The following MED12L variants were observed in gnomAD, a reference collection of about 807,000 sequenced individuals.
MED12L encodes mediator complex subunit 12L, also known as mediator of RNA polymerase II transcription subunit 12-like protein.
MED12L carries 60 observed loss-of-function variants against 281.3 expected under a neutral mutation model. The observed-to-expected ratio is 0.21, with a 90% CI of 0.17 to 0.26. MED12L has a LOEUF of 0.26. MED12L is among the 10% of genes least tolerant of loss of function. The pLI is 1.00. For synonymous variants in MED12L, 974 were observed against 987.2 expected (o/e 0.99, Z 0.25); for missense variants, 2,146 against 2,680.9 (o/e 0.80, Z 4.41).
chr3:151,144,104 A>C (rs745718086), intron 5 of MED12L, among the ~76,000 whole-genome samples: 10 of 152,076 alleles, frequency 6.6e-5, no homozygotes, highest in African/African-American at 9.7e-5. Context: ...TCCCTCTGTT[A>C]GAAGGAAGCC....
chr3:151,250,169 C>T (rs1254654959), intron 16 of MED12L, among the ~76,000 whole-genome samples: 1 of 152,164 alleles, frequency 6.6e-6, no homozygotes, highest in Non-Finnish European at 1.5e-5. Context: ...TGCCTTCTGT[C>T]CTCAGCACTT....
intron 39 of MED12L, among the ~76,000 whole-genome samples, chr3:151,401,197 G>A (rs1016074859): frequency 6.6e-6 from 1 of 150,434 alleles, no homozygotes; most frequent in African/African-American, 2.4e-5. Flanking sequence ...CATTTATCCT[G>A]TTGGATGTTA....
In MED12L at chr3:151,185,334, C is replaced by T. The variant is rs752139829; in HGVS notation, c.1499C>T (p.Ala500Val). The T allele has an allele frequency of 1.6e-5, 26 of 1,613,122 alleles. No homozygotes were observed. Among genetic ancestry groups the T allele is most frequent in the African/African-American group, 1.1e-4 (8 of 74,800 alleles). Residue 500 changes from alanine to valine, a missense_variant, in exon 12 of 45, where the codon GCG becomes GTG. By Grantham distance (64) the Ala-to-Val change is moderately conservative (BLOSUM62 0). Coordinates refer to ENST00000687756, the MANE Select transcript of MED12L (RefSeq NM_001393769.1). ...CCCCTCTCTGTTGGTCATTAGGTTG[C>T]GCCCAACGATGAAGCTGTGGTGACG... is the stretch of plus-strand genomic sequence containing the variant. Reference protein sequence around the residue: ...ANQNKDNQEVAPNDEAVVTLL... With the variant: ...ANQNKDNQEVVPNDEAVVTLL...
At chr3:151,092,538 A>G (rs1051305759) in intron 2 of MED12L, among the ~76,000 whole-genome samples, 8 of 152,232 alleles carry the variant, frequency 5.3e-5, no homozygotes, top group Non-Finnish European at 1.0e-4. Context: ...AACTATCTCA[A>G]TGCTTGGTTT....
chr3:151,384,361 C>A, intron 35 of MED12L, 143 bp downstream of exon 35: 3 of 798,818 alleles, frequency 3.8e-6, no homozygotes, highest in Non-Finnish European at 5.6e-6. Context: ...TTTCACCTAA[C>A]CTTATTAGTA....
At chr3:151,226,507 C>T (rs1274766610) in intron 16 of MED12L, among the ~76,000 whole-genome samples, 1 of 152,172 alleles carries the variant, frequency 6.6e-6, no homozygotes, top group Non-Finnish European at 1.5e-5. Context: ...CCAGGGCTCC[C>T]CTGCTCCTGA....
chr3:151,193,371 A>G, intron 15 of MED12L, 119 bp from the exon 16 acceptor site: 1 of 674,086 alleles, frequency 1.5e-6, no homozygotes, highest in Non-Finnish European at 2.5e-6. Context: ...TTTTTTGCTA[A>G]GTGGTTAAGT....
chr3:151,344,357 T>G (rs536634855), intron 16 of MED12L, among the ~76,000 whole-genome samples: 9 of 152,270 alleles, frequency 5.9e-5, no homozygotes, highest in African/African-American at 2.2e-4. Flanking sequence ...CTCATCCATG[T>G]GCACACCCAT....
intron 21 of MED12L, among the ~76,000 whole-genome samples, chr3:151,364,167 TTA>T (rs1754996624): frequency 6.6e-6 from 1 of 152,164 alleles, no homozygotes; most frequent in South Asian, 2.1e-4. Context: ...ATGGCTAAGT[TTA>T]TATAGAATCT....
intron 16 of MED12L, among the ~76,000 whole-genome samples, chr3:151,218,839 C>T (rs991805492): frequency 7.5e-6 from 1 of 133,062 alleles, no homozygotes; most frequent in African/African-American, 2.7e-5. Context: ...TGCACTCCAG[C>T]CTGGGTGACA....
At chr3:151,090,049 T>C (rs1202485351) in intron 2 of MED12L, among the ~76,000 whole-genome samples, 1 of 152,168 alleles carries the variant, frequency 6.6e-6, no homozygotes, top group African/African-American at 2.4e-5. Context: ...TATTCTGTTC[T>C]GGTCTTTCTG....
chr3:151,296,218 C>G (rs372743045), intron 16 of MED12L, among the ~76,000 whole-genome samples: 3 of 152,230 alleles, frequency 2.0e-5, no homozygotes, highest in South Asian at 4.1e-4. Flanking sequence ...CCTTTTGCTT[C>G]TTTGGAATTT....
intron 39 of MED12L, among the ~76,000 whole-genome samples, chr3:151,407,953 T>C (rs1716520273): frequency 6.6e-6 from 1 of 152,226 alleles, no homozygotes; most frequent in African/African-American, 2.4e-5. Context: ...TAATAGAGAT[T>C]GTCCTTTTGG....
chr3:151,264,792 C>T (rs1028041543), intron 16 of MED12L, among the ~76,000 whole-genome samples: 3 of 152,094 alleles, frequency 2.0e-5, no homozygotes, highest in African/African-American at 7.2e-5. Context: ...TGTGTGTGGT[C>T]TCATCACACT....
At chr3:151,307,533 C>CTGTG (rs67391329) in intron 16 of MED12L, among the ~76,000 whole-genome samples, 121 of 137,794 alleles carry the variant, frequency 8.8e-4, no homozygotes, top group South Asian at 1.5e-3. Flanking sequence ...GTAACTTGCT[C>CTGTG]TGTGTGTGTG....
intron 16 of MED12L, among the ~76,000 whole-genome samples, chr3:151,200,094 C>T (rs896624162): frequency 6.6e-6 from 1 of 152,178 alleles, no homozygotes; most frequent in Admixed American, 6.5e-5. Context: ...GACTTCAACA[C>T]TTGAGTCGCT....
At chr3:151,418,687 C>T (rs968928932) in intron 43 of MED12L, among the ~76,000 whole-genome samples, 1 of 152,062 alleles carries the variant, frequency 6.6e-6, no homozygotes, top group African/African-American at 2.4e-5. Context: ...TGATAGATCT[C>T]CCCACTGTGA....
chr3:151,404,125 G>T (rs1716016798), intron 39 of MED12L, among the ~76,000 whole-genome samples: 1 of 152,104 alleles, frequency 6.6e-6, no homozygotes, highest in Admixed American at 6.6e-5. Context: ...GCTATTTTAT[G>T]TATAAGTATT....
At position 151,357,235 on chromosome 3, in the gene MED12L, T is replaced by G; in HGVS notation, c.2684T>G (p.Val895Gly). 1 of 1,610,674 alleles carries G rather than the reference T, an allele frequency of 6.2e-7. No individual in the cohort carries two copies. Among genetic ancestry groups the G allele is most frequent in the Non-Finnish European group, 8.5e-7 (1 of 1,178,506 alleles). Residue 895 changes from valine (V) to glycine (G), a missense_variant, in exon 20 of 45, where the codon GTG (valine) becomes GGG (glycine). By Grantham distance (109) the Val-to-Gly change is moderately radical. Around this residue, in one of 9 missense-constraint regions of MED12L, gnomAD observed 404 missense variants for 603.5 expected, o/e 0.67. Coordinates refer to ENST00000687756, the MANE Select transcript of MED12L (RefSeq NM_001393769.1). ...CAGTTACTAAATGAACTGAGTGTTG[T>G]GGAAGCTGAACTGCTCCTAAAATCC... is the stretch of plus-strand genomic sequence containing the variant. ...AIQLLNELSV[V>G]EAELLLKSSS...
Sources: gnomAD v4.1 joint callset for allele counts (sites outside exome capture counted in the v4.1 genomes callset) on GRCh38, gnomAD v4.1.1 for gene constraint, gnomAD v4.1.1 regional missense constraint, MANE v1.5 for transcripts, NCBI Gene and HGNC (gene_info 2026-07-23, HGNC 2026-07-21) for gene names.